The following ANO2 variants were observed in gnomAD, a reference collection of about 807,000 sequenced individuals.
The protein encoded by ANO2 is anoctamin 2.
Under a neutral mutation model 124.2 loss-of-function variants are expected in ANO2, and 101 were observed. The ratio of observed to expected loss-of-function variants is 0.81; its 90% confidence interval spans 0.69 to 0.96. The LOEUF (loss-of-function observed/expected upper bound fraction) is 0.96. Among genes scored for constraint, ANO2 ranks in the 40% least tolerant of loss-of-function variants. ANO2 has a pLI of 0.00. For synonymous variants in ANO2, 486 were observed against 482.5 expected, an observed-to-expected ratio of 1.01 and a Z score of -0.09; for missense variants, 1,293 against 1,274.5, an observed-to-expected ratio of 1.01 and a Z score of -0.22.
At chr12:5,666,902 T>C (rs1480639985) in intron 14 of ANO2, among the ~76,000 whole-genome samples, 2 of 152,140 alleles carry the variant, frequency 1.3e-5, no homozygotes, top group Non-Finnish European at 2.9e-5. Context: ...TTGAGCCACA[T>C]TGTATCAGGT....
At chr12:5,861,429 C>T (rs1955265498) in intron 3 of ANO2, among the ~76,000 whole-genome samples, 1 of 152,128 alleles carries the variant, frequency 6.6e-6, no homozygotes, top group African/African-American at 2.4e-5. Context: ...TGAAGTTATC[C>T]TCATTGTTTT....
intron 3 of ANO2, among the ~76,000 whole-genome samples, chr12:5,877,741 A>G (rs1938204683): frequency 1.3e-5 from 2 of 152,094 alleles, no homozygotes; most frequent in African/African-American, 4.8e-5. Flanking sequence ...GGGTGGGGGG[A>G]TCAGGATGAA....
At chr12:5,726,541 G>A (rs988122456) in intron 14 of ANO2, among the ~76,000 whole-genome samples, 6 of 152,162 alleles carry the variant, frequency 3.9e-5, no homozygotes, top group African/African-American at 1.4e-4. Context: ...TTCGACTCTG[G>A]CTCTGCCATG....
intron 16 of ANO2, among the ~76,000 whole-genome samples, chr12:5,622,689 G>C (rs1402393063): frequency 6.6e-6 from 1 of 152,210 alleles, no homozygotes; most frequent in Non-Finnish European, 1.5e-5. Flanking sequence ...AATGGAGCAA[G>C]TGGGCAGGTG....
intron 7 of ANO2, among the ~76,000 whole-genome samples, chr12:5,811,662 G>A (rs535822877): frequency 3.8e-4 from 58 of 152,290 alleles, no homozygotes; most frequent in African/African-American, 1.3e-3. Flanking sequence ...AATGAGGCTT[G>A]AGTTTCTTTC....
chr12:5,570,282 A>T (rs1050175716), intron 23 of ANO2, among the ~76,000 whole-genome samples: 1 of 152,214 alleles, frequency 6.6e-6, no homozygotes, highest in Non-Finnish European at 1.5e-5. Flanking sequence ...ATGTTAATGC[A>T]TAGAAAAATG....
chr12:5,634,391 TG>T (rs1197406435), intron 16 of ANO2, among the ~76,000 whole-genome samples: 1 of 152,142 alleles, frequency 6.6e-6, no homozygotes, highest in Non-Finnish European at 1.5e-5. Context: ...AACAAGAAGC[TG>T]GGGCTCCTCG....
chr12:5,923,252 A>ACACACACGCACACACACC (rs1565784497), intron 1 of ANO2, among the ~76,000 whole-genome samples: 8 of 74,742 alleles, frequency 1.1e-4, no homozygotes, highest in Non-Finnish European at 1.9e-4. Context: ...ACGCATACAC[A>ACACACACGCACACACACC]CACATACACA....
chr12:5,573,707 G>A (rs996070013), intron 23 of ANO2, among the ~76,000 whole-genome samples: 2 of 152,190 alleles, frequency 1.3e-5, no homozygotes, highest in Non-Finnish European at 2.9e-5. Context: ...GCCCAGATGC[G>A]AAAAATCCTG....
chr12:5,945,281 G>A (rs1202645518), upstream of ANO2: 3 of 1,240,966 alleles, frequency 2.4e-6, no homozygotes, highest in East Asian at 1.4e-4. Flanking sequence ...TGCCGCCGCG[G>A]GGCTAATTCC....
intron 15 of ANO2, among the ~76,000 whole-genome samples, chr12:5,647,211 G>C (rs149245783): frequency 1.3e-5 from 2 of 152,330 alleles, no homozygotes; most frequent in African/African-American, 4.8e-5. Flanking sequence ...ATTGATCTAA[G>C]TCAAATACGA....
intron 7 of ANO2, among the ~76,000 whole-genome samples, chr12:5,825,601 C>T (rs1008796660): frequency 1.4e-4 from 21 of 152,172 alleles, no homozygotes; most frequent in African/African-American, 5.1e-4. Context: ...GCCACCTGGA[C>T]ACTTTGGGCT....
At chr12:5,625,689 A>G (rs1411178355) in intron 16 of ANO2, among the ~76,000 whole-genome samples, 1 of 152,124 alleles carries the variant, frequency 6.6e-6, no homozygotes, top group Non-Finnish European at 1.5e-5. Context: ...CGAAGTAGCC[A>G]GCCAGCCTGG....
At chr12:5,614,542 T>C (rs1303775052) in intron 17 of ANO2, among the ~76,000 whole-genome samples, 1 of 152,202 alleles carries the variant, frequency 6.6e-6, no homozygotes, top group Admixed American at 6.5e-5. Context: ...ACATGGAAGC[T>C]TCATGATTAA....
chr12:5,892,473 A>C (rs1262809215), intron 3 of ANO2, among the ~76,000 whole-genome samples: 1 of 152,194 alleles, frequency 6.6e-6, no homozygotes, highest in Non-Finnish European at 1.5e-5. Context: ...AGAAATTCAC[A>C]CCTAGACACA....
chr12:5,572,038 G>A (rs1942157363), intron 23 of ANO2, among the ~76,000 whole-genome samples: 1 of 152,104 alleles, frequency 6.6e-6, no homozygotes, highest in South Asian at 2.1e-4. Context: ...ATAACCCTCA[G>A]TGTAACCCAA....
chr12:5,634,736 G>C (rs1211913632), intron 16 of ANO2, among the ~76,000 whole-genome samples: 1 of 152,134 alleles, frequency 6.6e-6, no homozygotes, highest in Non-Finnish European at 1.5e-5. Context: ...GACCCTCTTG[G>C]GCTCAAGTGT....
chr12:5,761,508 CTT>C (rs1328823690), intron 10 of ANO2, among the ~76,000 whole-genome samples: 1 of 152,064 alleles, frequency 6.6e-6, no homozygotes, highest in African/African-American at 2.4e-5. Context: ...TCCAACTGCC[CTT>C]TTATAAACTA....
At chr12:5,929,508 T>G (rs1287647575) in intron 1 of ANO2, among the ~76,000 whole-genome samples, 1 of 97,426 alleles carries the variant, frequency 1.0e-5, no homozygotes, top group Non-Finnish European at 2.1e-5. Flanking sequence ...CTACCTTCTT[T>G]CCTTATTAGT....
Sources: allele counts gnomAD v4.1 joint callset (sites outside exome capture counted in the v4.1 genomes callset), GRCh38; gene constraint gnomAD v4.1.1; transcripts MANE v1.5; gene names NCBI Gene and HGNC (gene_info 2026-07-23, HGNC 2026-07-21).